The following CDC37L1 variants were observed in gnomAD, a reference collection of about 807,000 sequenced individuals.
CDC37L1 encodes the protein cell division cycle 37 like 1, HSP90 cochaperone.
A neutral mutation model predicts 45.9 loss-of-function variants in CDC37L1; 32 were observed. The ratio of observed to expected loss-of-function variants is 0.70; its 90% confidence interval spans 0.53 to 0.94. The LOEUF is 0.94. Among genes scored for constraint, CDC37L1 ranks in the 40% least tolerant of loss-of-function variants. The pLI is 0.00. For synonymous variants in CDC37L1, 150 were observed against 133.0 expected (o/e 1.13, Z -0.88); for missense variants, 434 against 405.7 (o/e 1.07, Z -0.60).
chr9:4,684,040 C>G (rs1032832054), intron 1 of CDC37L1, among the ~76,000 whole-genome samples: 7 of 152,174 alleles, frequency 4.6e-5, no homozygotes, highest in African/African-American at 1.7e-4. Context: ...AATCCCAGCA[C>G]TTTGGGAGGC....
chr9:4,683,440 A>T (rs1697938563), intron 1 of CDC37L1, among the ~76,000 whole-genome samples: 1 of 152,222 alleles, frequency 6.6e-6, no homozygotes, highest in South Asian at 2.1e-4. Context: ...GGCATGCCAG[A>T]ATCTGGATGA....
At chr9:4,690,844 T>C (rs1455985544) in intron 3 of CDC37L1, among the ~76,000 whole-genome samples, 1 of 152,258 alleles carries the variant, frequency 6.6e-6, no homozygotes, top group Non-Finnish European at 1.5e-5. Flanking sequence ...ACAAAGGTAG[T>C]AGGCTCTCAA....
intron 5 of CDC37L1, among the ~76,000 whole-genome samples, 191 bp downstream of exon 5, chr9:4,698,070 G>A (rs1841364223): frequency 1.3e-5 from 2 of 152,150 alleles, no homozygotes; most frequent in African/African-American, 2.4e-5. Flanking sequence ...ATAAGAGGCT[G>A]TACTACAGCA....
intron 5 of CDC37L1, 104 bp downstream of exon 5, chr9:4,697,983 C>A: frequency 5.9e-6 from 6 of 1,017,008 alleles, no homozygotes; most frequent in Non-Finnish European, 8.7e-6. Flanking sequence ...ATGCCACAGG[C>A]TAAATTCTGT....
rs1035879078 is a variant in CDC37L1, at chr9:4,707,194, A to T, written c.*1082A>T. 1 of 151,908 alleles carries T rather than the reference A, an allele frequency of 6.6e-6. No individual in the cohort carries two copies. Among genetic ancestry groups the T allele is most frequent in the African/African-American group, 2.4e-5 (1 of 41,264 alleles). The allele number at this position is 151,908 out of a possible 1,614,324, so 9.4% of individuals were successfully genotyped here. On this transcript the variant is annotated 3_prime_UTR_variant, in exon 7 of 7. Coordinates refer to ENST00000381854, the MANE Select transcript of CDC37L1 (RefSeq NM_017913.4). Reference sequence around the variant, plus strand: ...CCCTTTTTCAGCTCAGTTACCATAGAATACTTCCAAGCTTTACTACTTCCT... The same window carrying T: ...CCCTTTTTCAGCTCAGTTACCATAGTATACTTCCAAGCTTTACTACTTCCT...
At position 4,706,222 on chromosome 9, in the gene CDC37L1, G is replaced by A; in HGVS notation, c.*110G>A. On this transcript the variant is annotated 3_prime_UTR_variant, in exon 7 of 7. Transcript: ENST00000381854. ...TGCACTTTATTTTTGTTCGGTTTTTGATGGGAGGGAAAGAGTACTGAAATG... is the reference window on the plus strand; with the variant it reads ...TGCACTTTATTTTTGTTCGGTTTTTAATGGGAGGGAAAGAGTACTGAAATG... The A allele has an allele frequency of 1.9e-6, 1 of 539,606 alleles. No homozygotes were observed. Among genetic ancestry groups the A allele is most frequent in the East Asian group, 2.9e-5 (1 of 35,042 alleles). 33.4% of individuals were successfully genotyped at this position (539,606 alleles called of 1,614,324 possible).
Position 4,685,697 on chromosome 9 carries a change from G to A in CDC37L1, c.414+539G>A, listed in dbSNP as rs1223615248. On this transcript the variant is annotated intron_variant, in intron 2 of 6. Transcript: ENST00000381854. The stretch of plus-strand genomic sequence containing the variant: ...AATATCCTTTATTAAGTGCCTTTAA[G>A]AATGAAGGCTTAGACTTTTAAAATC... Among the ~76,000 whole-genome samples the A allele has an allele frequency of 2.0e-5, 3 of 152,174 alleles. No individual in the cohort carries two copies. In the East Asian group the frequency reaches 5.8e-4, roughly 29 times the overall value.
chr9:4,688,659 A>G (rs1431757269), intron 3 of CDC37L1, 53 bp downstream of exon 3: 11 of 1,147,812 alleles, frequency 9.6e-6, no homozygotes, highest in African/African-American at 1.6e-5. Flanking sequence ...TCATATGTAC[A>G]TGTGCAAAAA....
At position 4,679,724 on chromosome 9, in the gene CDC37L1, A is replaced by G. The variant is rs749445914; in HGVS notation, c.-44A>G. ...TCACGCCAAGTCTGTTGGCAGTGGC[A>G]GTTGTAGGGCCAAGGGCGGTTGTAG... On this transcript the variant is annotated 5_prime_UTR_variant, in exon 1 of 7. Coordinates refer to ENST00000381854, the MANE Select transcript of CDC37L1 (RefSeq NM_017913.4). 148 of 1,566,428 alleles carry G rather than the reference A, an allele frequency of 9.4e-5. No individual in the cohort carries two copies. The highest frequency in any genetic ancestry group is 5.6e-4 in the South Asian group (49 of 87,340).
Position 4,679,660 on chromosome 9 carries a change from C to A in CDC37L1, c.-108C>A. The A allele has an allele frequency of 9.4e-7, 1 of 1,060,134 alleles. No homozygotes were observed. The highest frequency in any genetic ancestry group is 1.3e-6 in the Non-Finnish European group (1 of 755,326). 65.7% of individuals were successfully genotyped at this position (1,060,134 alleles called of 1,614,324 possible). The stretch of plus-strand genomic sequence containing the variant: ...GAGGGATTCTGGGTAACGGCCCGGA[C>A]CCCCGGCTGGGCTTCTGGCTCGGCG... On this transcript the variant is annotated 5_prime_UTR_variant, in exon 1 of 7. Transcript: ENST00000381854.
At chr9:4,696,604 C>T (rs939349356) in intron 3 of CDC37L1, among the ~76,000 whole-genome samples, 7 of 151,978 alleles carry the variant, frequency 4.6e-5, no homozygotes, top group Non-Finnish European at 8.8e-5. Context: ...TGACTTTGAC[C>T]AAATTTCCTG....
At position 4,707,961 on chromosome 9, in the gene CDC37L1, T is replaced by TTA. The variant is rs1401867942; in HGVS notation, c.*1849_*1850insTA. The TTA allele has an allele frequency of 6.6e-6, 1 of 152,236 alleles. No homozygotes were observed. The highest frequency in any genetic ancestry group is 2.4e-5 in the African/African-American group (1 of 41,462). The allele number at this position is 152,236 out of a possible 1,614,324, so 9.4% of individuals were successfully genotyped here. On this transcript the variant is annotated 3_prime_UTR_variant, in exon 7 of 7. Transcript: ENST00000381854. ...CTGAAGACTGGCAGGAGAGAAAGTA[T>TTA]CAACAAACTGAGTAAACTATTCTTG...
intron 6 of CDC37L1, among the ~76,000 whole-genome samples, chr9:4,702,713 C>G (rs1841410343): frequency 6.6e-6 from 1 of 150,666 alleles, no homozygotes; most frequent in African/African-American, 2.4e-5. Flanking sequence ...AACCCCGTCT[C>G]TTCTAAAAAA....
intron 2 of CDC37L1, among the ~76,000 whole-genome samples, chr9:4,687,769 A>T (rs1490450793): frequency 6.6e-6 from 1 of 150,660 alleles, no homozygotes; most frequent in Non-Finnish European, 1.5e-5. Flanking sequence ...AATATCATTT[A>T]TTCTCTATGT....
intron 3 of CDC37L1, among the ~76,000 whole-genome samples, chr9:4,693,196 CTT>C (rs890867346): frequency 7.3e-5 from 11 of 151,624 alleles, no homozygotes; most frequent in African/African-American, 2.4e-4. Context: ...AATCCCAGCA[CTT>C]TGAGAAACTG....
intron 6 of CDC37L1, among the ~76,000 whole-genome samples, chr9:4,703,789 T>C (rs566839138): frequency 1.6e-4 from 24 of 152,312 alleles, no homozygotes; most frequent in South Asian, 1.0e-3. Context: ...ATATATTAGA[T>C]AGCAACTGAT....
At chr9:4,688,678 A>C in intron 3 of CDC37L1, 72 bp downstream of exon 3, 4 of 979,416 alleles carry the variant, frequency 4.1e-6, no homozygotes, top group Admixed American at 3.9e-5. Context: ...AAATGGATTT[A>C]TAAAAAGAGA....
chr9:4,703,249 G>A (rs757280574), intron 6 of CDC37L1: 1 of 583,150 alleles, frequency 1.7e-6, no homozygotes, highest in Non-Finnish European at 2.5e-6. Context: ...TTATCTCACT[G>A]TAATTTCACC....
chr9:4,704,068 GC>G (rs1311052033), intron 6 of CDC37L1, among the ~76,000 whole-genome samples: 3 of 151,974 alleles, frequency 2.0e-5, no homozygotes, highest in Non-Finnish European at 4.4e-5. Flanking sequence ...AAAATGAGAG[GC>G]CACCTGAAAG....
Sources: allele counts gnomAD v4.1 joint callset (sites outside exome capture counted in the v4.1 genomes callset), GRCh38; gene constraint gnomAD v4.1.1; transcripts MANE v1.5; gene names NCBI Gene and HGNC (gene_info 2026-07-23, HGNC 2026-07-21).